The following TTN variants were observed in gnomAD, a reference collection of about 807,000 sequenced individuals.
TTN encodes the protein connectin.
In TTN, 1,525 loss-of-function variants were observed where a neutral mutation model predicts 3,223.0. The observed-to-expected ratio is 0.47, with a 90% CI of 0.45 to 0.49. The LOEUF is 0.49. Ranked by LOEUF, TTN falls within the 20% of genes least tolerant of loss-of-function variation. TTN has a pLI of 0.00. For synonymous variants in TTN, 14,094 were observed against 15,161.0 expected (o/e 0.93, Z 5.17); for missense variants, 40,786 against 43,424.0 (o/e 0.94, Z 5.40).
chr2:178,722,838 AC>A lies in TTN; in HGVS notation c.22060del (p.Val7354CysfsTer32). On this transcript the variant is annotated frameshift_variant, in exon 76 of 363. Coordinates refer to ENST00000589042, the MANE Select transcript of TTN (RefSeq NM_001267550.2). LOFTEE classifies it high-confidence loss of function. ...TTTGGTATCTCCTTTGTACCAAGAC[AC>A]TGTAATTTCTGGTGTCCCAGCAACT... ...CQVAGTPEIT[V>X]SWYKGDTKLR... The A allele has an allele frequency of 6.2e-7, 1 of 1,613,268 alleles. No homozygotes were observed. The highest frequency in any genetic ancestry group is 8.5e-7 in the Non-Finnish European group (1 of 1,179,522).
Position 178,619,823 on chromosome 2 carries a change from G to C in TTN, c.46494C>G (p.Val15498=). 6.2e-7 allele frequency: 1 copy of C among 1,612,212 alleles called. No homozygotes were observed. Among genetic ancestry groups the C allele is most frequent in the Non-Finnish European group, 8.5e-7 (1 of 1,178,912 alleles). The change falls in exon 250 of 363, where the codon GTC becomes GTG. Residue 15498 remains valine (V), a synonymous_variant. Transcript: ENST00000589042. ...DILEAPGADV[V]FLAELNKDKV... ...TATCTTTATTGAGTTCTGCTAAAAA[G>C]ACAACATCAGCACCAGGGGCTTCAA... is the stretch of plus-strand genomic sequence containing the variant.
Position 178,792,210 on chromosome 2 carries a change from AT to A in TTN, c.1537-14del, listed in dbSNP as rs1258455685. 1 of 1,598,818 alleles carries A rather than the reference AT, an allele frequency of 6.3e-7. No individual in the cohort carries two copies. Among genetic ancestry groups the A allele is most frequent in the South Asian group, 1.1e-5 (1 of 87,278 alleles). ...TTTCTTTTCTTATCTGCAAAGAATG[AT>A]TTAAGAAAAAACTTTATTTCCTGAT... On this transcript the variant is annotated splice_polypyrimidine_tract_variant and intron_variant, in intron 9 of 362. Coordinates refer to ENST00000589042, the MANE Select transcript of TTN (RefSeq NM_001267550.2).
At chr2:178,536,655 T>A in intron 356 of TTN, 80 bp from the exon 357 acceptor site, 1 of 1,217,204 alleles carries the variant, frequency 8.2e-7, no homozygotes, top group Non-Finnish European at 1.1e-6. Context: ...AAAAGAATGT[T>A]ATATGAGTCC....
chr2:178,774,045 G>C lies in TTN; in HGVS notation c.7123C>G (p.Leu2375Val). 6.2e-7 allele frequency: 1 copy of C among 1,614,054 alleles called. No homozygotes were observed. Among genetic ancestry groups the C allele is most frequent in the South Asian group, 1.1e-5 (1 of 91,084 alleles). ...CTTTCCAAGGAGACTTTAACTTCAAGCTGAACAATGTCACCCTCACAGACT... is the reference window on the plus strand; with the variant it reads ...CTTTCCAAGGAGACTTTAACTTCAACCTGAACAATGTCACCCTCACAGACT... ...QKVCEGDIVQ[L>V]EVKVSLESVE... The change falls in exon 31 of 363, where the codon CTT becomes GTT. Residue 2375 changes from leucine (L) to valine (V), a missense_variant. Leu to Val is a conservative substitution (Grantham distance 32, BLOSUM62 1). Transcript: ENST00000589042.
rs1182040505 is a variant in TTN, at chr2:178,794,961, A to G, written c.1206T>C (p.Ala402=). Residue 402 remains alanine, a synonymous_variant, in exon 7 of 363, where the codon GCT becomes GCC. Coordinates refer to ENST00000589042, the MANE Select transcript of TTN (RefSeq NM_001267550.2). The stretch of plus-strand genomic sequence containing the variant: ...TGGCAACAGCCTCTGCTGCGTAGCT[A>G]GCACTGGCCGACACACTGGCGGCAG... ...AGAAASVSAS[A]SYAAEAVATG... 6.2e-7 allele frequency: 1 copy of G among 1,605,308 alleles called. No individual in the cohort carries two copies. Among genetic ancestry groups the G allele is most frequent in the Non-Finnish European group, 8.5e-7 (1 of 1,179,964 alleles).
chr2:178,712,283 T>C, intron 95 of TTN, 32 bp downstream of exon 95: 2 of 1,609,284 alleles, frequency 1.2e-6, no homozygotes, highest in Non-Finnish European at 1.7e-6. Context: ...ATCGATTGTA[T>C]ACAAAGATAA....
Position 178,678,441 on chromosome 2 carries a change from T to C in TTN, c.33883A>G (p.Lys11295Glu). The C allele has an allele frequency of 1.3e-6, 2 of 1,596,156 alleles. No homozygotes were observed. Among genetic ancestry groups the C allele is most frequent in the South Asian group, 2.3e-5 (2 of 87,462 alleles). ...TTTGCAGGTGGAGCCTCCACTTTCT[T>C]AGGAGCAGGAACTGGCACCTTCTTC... ...PEKKVPVPAPKKVEAPPAKVP... is the reference protein window; with the variant it reads ...PEKKVPVPAPEKVEAPPAKVP... The change falls in exon 144 of 363, where the codon AAG (lysine) becomes GAG (glutamate). Residue 11295 changes from lysine (K) to glutamate (E), a missense_variant. Coordinates refer to ENST00000589042, the MANE Select transcript of TTN (RefSeq NM_001267550.2).
intron 242 of TTN, 68 bp from the exon 243 acceptor site, chr2:178,622,835 T>A (rs2058498351): frequency 8.4e-7 from 1 of 1,191,498 alleles, no homozygotes. Flanking sequence ...TACCATAGTA[T>A]ACATTAAGAA....
chr2:178,591,921 A>G (rs2050297416), intron 302 of TTN, 29 bp from the exon 303 acceptor site: 1 of 1,605,502 alleles, frequency 6.2e-7, no homozygotes. Context: ...ATGATGAAAA[A>G]GTAATATTCT....
intron 24 of TTN, 72 bp from the exon 25 acceptor site, chr2:178,778,047 T>A (rs900694957): frequency 6.5e-7 from 1 of 1,537,888 alleles, no homozygotes; most frequent in Non-Finnish European, 8.8e-7. Context: ...TCATTTTGTC[T>A]TATTCATTAT....
At chr2:178,748,859 G>T (rs766935021) in intron 47 of TTN, 3 of 1,612,266 alleles carry the variant, frequency 1.9e-6, no homozygotes, top group South Asian at 2.2e-5. Flanking sequence ...CATTTTCTCT[G>T]CCTGATACAT....
intron 308 of TTN, among the ~76,000 whole-genome samples, chr2:178,585,904 A>G (rs1698036272): frequency 6.6e-6 from 1 of 152,046 alleles, no homozygotes; most frequent in Non-Finnish European, 1.5e-5. Flanking sequence ...ATAAACATAC[A>G]TGTGCATGTG....
Position 178,634,026 on chromosome 2 carries a change from G to A in TTN, c.42473C>T (p.Thr14158Ile), listed in dbSNP as rs373227762. Reference protein sequence around the residue: ...LEDQTVKEGETATFVCELSHE... With the variant: ...LEDQTVKEGEIATFVCELSHE... The stretch of plus-strand genomic sequence containing the variant: ...AGAAAGTTCACAAACAAAAGTTGCT[G>A]TTTCACCTTCTTTTACTGTTTGATC... Residue 14158 changes from threonine (T) to isoleucine (I), a missense_variant, in exon 231 of 363, where the codon ACA (threonine) becomes ATA (isoleucine). Coordinates refer to ENST00000589042, the MANE Select transcript of TTN (RefSeq NM_001267550.2). The surrounding 1 kb of genome is among the most constrained non-coding windows in gnomAD (Gnocchi z 4.6). 101 of 1,613,066 alleles carry A rather than the reference G, an allele frequency of 6.3e-5. No homozygotes were observed. The highest frequency in any genetic ancestry group is 8.1e-5 in the Non-Finnish European group (96 of 1,179,476).
Position 178,729,036 on chromosome 2 carries a change from T to C in TTN, c.19002A>G (p.Glu6334=). Residue 6334 remains glutamate, a synonymous_variant, in exon 65 of 363, where the codon GAA becomes GAG. Transcript: ENST00000589042. ...CAAATGAAATATAGACATTATCATC[T>C]TCATCAAGAATCTGATCATCCTTTA... is the stretch of plus-strand genomic sequence containing the variant. The part of the protein sequence containing the change: ...TWLKDDQILD[E]DDNVYISFVD... The C allele has an allele frequency of 6.2e-7, 1 of 1,612,912 alleles. No individual in the cohort carries two copies. The highest frequency in any genetic ancestry group is 8.5e-7 in the Non-Finnish European group (1 of 1,179,440).
rs749427768 is a variant in TTN at position 178,773,707 on chromosome 2, G to C, written c.7349C>G (p.Pro2450Arg). The change falls in exon 32 of 363, where the codon CCT becomes CGT. Residue 2450 changes from proline to arginine, a missense_variant. Physicochemically the swap from Pro to Arg is moderately radical, Grantham distance 103. Coordinates refer to ENST00000589042, the MANE Select transcript of TTN (RefSeq NM_001267550.2). ...TTCAATCACATTAACATCTTTTAGA[G>C]GTGTTATCACGTCCACACCTGCAAA... ...VSVYSVDVIT[P>R]LKDVNVIEGT... 1 of 1,613,970 alleles carries C rather than the reference G, an allele frequency of 6.2e-7. No homozygotes were observed. Among genetic ancestry groups the C allele is most frequent in the Admixed American group, 1.7e-5 (1 of 60,000 alleles).
At chr2:178,778,729 T>G in intron 24 of TTN, 145 bp downstream of exon 24, 1 of 1,154,284 alleles carries the variant, frequency 8.7e-7, no homozygotes, top group East Asian at 2.6e-5. Flanking sequence ...AAATAAAAAC[T>G]TCTGGCAATT....
At position 178,556,867 on chromosome 2, in the gene TTN, A is replaced by T; in HGVS notation, c.88287T>A (p.Ile29429=). Residue 29429 remains isoleucine, a synonymous_variant, in exon 330 of 363, where the codon ATT becomes ATA. Transcript: ENST00000589042. ...GCTTACCATAAGAATCGATGCAAGT[A>T]ATGGGCCCTACAACCTCAGATGGAT... ...ISNPSEVVGP[I]TCIDSYGGPV... is the part of the protein sequence containing the mutation. 6.2e-7 allele frequency: 1 copy of T among 1,613,712 alleles called. No individual in the cohort carries two copies. The highest frequency in any genetic ancestry group is 8.5e-7 in the Non-Finnish European group (1 of 1,179,820).
chr2:178,587,751 C>T lies in TTN; in HGVS notation c.63558G>A (p.Val21186=), dbSNP rs200261892. The T allele has an allele frequency of 9.3e-6, 15 of 1,610,466 alleles. No individual in the cohort carries two copies. The East Asian group carries it at 3.1e-4, about 34-fold the overall frequency. Residue 21186 remains valine (V), a synonymous_variant, in exon 306 of 363, where the codon GTG becomes GTA. Transcript: ENST00000589042. ...LDASMRKLVI[V]RAGCPIRLFA... ...AGAGACGAATAGGGCATCCTGCTCTCACTATGACCAGTTTCCTCATGCTGG... is the reference window on the plus strand; with the variant it reads ...AGAGACGAATAGGGCATCCTGCTCTTACTATGACCAGTTTCCTCATGCTGG...
Position 178,704,546 on chromosome 2 carries a change from C to A in TTN, c.29926G>T (p.Gly9976Cys). 6.2e-7 allele frequency: 1 copy of A among 1,613,350 alleles called. No homozygotes were observed. Among genetic ancestry groups the A allele is most frequent in the Non-Finnish European group, 8.5e-7 (1 of 1,179,514 alleles). Residue 9976 changes from glycine (G) to cysteine (C), a missense_variant, in exon 105 of 363, where the codon GGT (glycine) becomes TGT (cysteine). Coordinates refer to ENST00000589042, the MANE Select transcript of TTN (RefSeq NM_001267550.2). ...AGTTTAGCGCTAGCGATGTGTGGAC[C>A]ACAAACCAATCGATAATTGCCCTGG... Reference protein sequence around the residue: ...KDQGNYRLVCGPHIASAKLTV... With the variant: ...KDQGNYRLVCCPHIASAKLTV...
Sources: gnomAD v4.1 joint callset for allele counts (sites outside exome capture counted in the v4.1 genomes callset) on GRCh38, gnomAD v4.1.1 for gene constraint, Gnocchi (gnomAD v3.1) non-coding constraint, MANE v1.5 for transcripts, NCBI Gene and HGNC (gene_info 2026-07-23, HGNC 2026-07-21) for gene names.